The following SLC22A23 variants were observed in gnomAD, a reference collection of about 807,000 sequenced individuals.
The protein encoded by SLC22A23 is ion transporter protein.
A neutral mutation model predicts 61.0 loss-of-function variants in SLC22A23; 26 were observed. The observed-to-expected ratio is 0.43, with a 90% CI of 0.31 to 0.59. The LOEUF (loss-of-function observed/expected upper bound fraction) is 0.59, where lower values mean the gene tolerates loss of function less well. Ranked by LOEUF, SLC22A23 falls within the 20% of genes least tolerant of loss-of-function variation. The pLI is 0.11. For synonymous variants in SLC22A23, 430 were observed against 413.9 expected, an observed-to-expected ratio of 1.04 and a Z score of -0.47; for missense variants, 796 against 934.7, an observed-to-expected ratio of 0.85 and a Z score of 1.94.
intron 1 of SLC22A23, among the ~76,000 whole-genome samples, chr6:3,440,564 G>A (rs997851030): frequency 1.3e-5 from 2 of 151,980 alleles, no homozygotes; most frequent in Non-Finnish European, 2.9e-5. Context: ...AAAATTAGCT[G>A]GGCACGGTGG....
chr6:3,392,974 A>G (rs1767764290), intron 3 of SLC22A23, among the ~76,000 whole-genome samples: 1 of 148,736 alleles, frequency 6.7e-6, no homozygotes. Flanking sequence ...GTGTAGATGG[A>G]GAAATGTCAG....
At chr6:3,415,493 T>C (rs1434633966) in intron 2 of SLC22A23, among the ~76,000 whole-genome samples, 1 of 152,182 alleles carries the variant, frequency 6.6e-6, no homozygotes, top group Non-Finnish European at 1.5e-5. Flanking sequence ...AGGTTAGAAG[T>C]AGATGGGGCT....
intron 5 of SLC22A23, among the ~76,000 whole-genome samples, chr6:3,295,336 C>A (rs189010113): frequency 1.2e-4 from 19 of 152,190 alleles, no homozygotes; most frequent in African/African-American, 4.6e-4. Flanking sequence ...GAGTGTGCAC[C>A]GGGAGGGACC....
intron 2 of SLC22A23, among the ~76,000 whole-genome samples, chr6:3,411,846 C>T (rs770822958): frequency 6.6e-6 from 1 of 152,182 alleles, no homozygotes; most frequent in African/African-American, 2.4e-5. Context: ...TTTCCCTTGT[C>T]CAGTGCTGGG....
chr6:3,308,583 T>C lies in SLC22A23; in HGVS notation c.1083-10365A>G, dbSNP rs546943348. Among the ~76,000 whole-genome samples, 119 of 152,296 alleles carry C rather than the reference T, an allele frequency of 7.8e-4. 1 individual carries two copies. Among genetic ancestry groups the C allele is most frequent in the African/African-American group, 2.2e-3 (92 of 41,550 alleles). ...GGGGAGGGCACTAACTCAGGGTTGA[T>C]CAAACCTCACAAAAACGTGAACCAT... On this transcript the variant is annotated intron_variant, in intron 4 of 9. Transcript: ENST00000406686. The surrounding 1 kb of genome is among the most constrained non-coding windows in gnomAD (Gnocchi z 5.1).
chr6:3,441,852 C>G (rs991225867), intron 1 of SLC22A23, among the ~76,000 whole-genome samples: 13 of 152,186 alleles, frequency 8.5e-5, no homozygotes, highest in African/African-American at 2.4e-4. Flanking sequence ...GACACCAGCC[C>G]AGGGCAGATG....
chr6:3,310,083 G>A (rs1762262778), intron 4 of SLC22A23, among the ~76,000 whole-genome samples: 1 of 152,250 alleles, frequency 6.6e-6, no homozygotes, highest in Admixed American at 6.5e-5. Flanking sequence ...ATGTATTTAT[G>A]TGGAACTTTT....
chr6:3,410,334 C>A lies in SLC22A23; in HGVS notation c.767G>T (p.Arg256Leu). The change falls in exon 3 of 10, where the codon CGG becomes CTG. Residue 256 changes from arginine to leucine, a missense_variant. Transcript: ENST00000406686. The surrounding 1 kb of genome is among the most constrained non-coding windows in gnomAD (Gnocchi z 5.0). ...ITGCIADWVG[R>L]RPVLLFSIIF... ...GATGGAAAACAGCAGCACAGGCCGC[C>A]GGCCGACCCTGCATATGGAGAGGGA... is the stretch of plus-strand genomic sequence containing the variant. 1 of 1,606,568 alleles carries A rather than the reference C, an allele frequency of 6.2e-7. No homozygotes were observed. The highest frequency in any genetic ancestry group is 8.5e-7 in the Non-Finnish European group (1 of 1,176,824).
At chr6:3,352,047 C>T (rs948451740) in intron 3 of SLC22A23, among the ~76,000 whole-genome samples, 1 of 152,202 alleles carries the variant, frequency 6.6e-6, no homozygotes, top group Non-Finnish European at 1.5e-5. Flanking sequence ...GGCGAAAGCA[C>T]TCCATGGCCT....
intron 3 of SLC22A23, among the ~76,000 whole-genome samples, chr6:3,376,994 G>A (rs887936904): frequency 5.9e-5 from 9 of 152,024 alleles, no homozygotes; most frequent in African/African-American, 2.2e-4. Context: ...GCTGGGTGGA[G>A]AGCTCCAATT....
chr6:3,287,182 G>A, intron 6 of SLC22A23, 91 bp from the exon 7 acceptor site: 2 of 1,212,874 alleles, frequency 1.6e-6, no homozygotes, highest in Non-Finnish European at 1.2e-6. Flanking sequence ...AGGTGACCAG[G>A]AGATGAAGAA....
chr6:3,354,782 C>T (rs1279505266), intron 3 of SLC22A23, among the ~76,000 whole-genome samples: 1 of 152,184 alleles, frequency 6.6e-6, no homozygotes, highest in African/African-American at 2.4e-5. Context: ...AGGTACTATG[C>T]TGGGCCAAGT....
Position 3,400,041 on chromosome 6 carries a change from G to A in SLC22A23, c.913+10147C>T, listed in dbSNP as rs148051131. On this transcript the variant is annotated intron_variant, in intron 3 of 9. Coordinates refer to ENST00000406686, the MANE Select transcript of SLC22A23 (RefSeq NM_015482.2). ...TTACAGGCATGCACCACCATGCCTG[G>A]CTAATTTTTTGCATTTAATAGAGAT... is the stretch of plus-strand genomic sequence containing the variant. 2.6e-3 allele frequency among the ~76,000 whole-genome samples: 402 copies of A among 152,238 alleles called. 5 individuals are homozygous for A. Among genetic ancestry groups the A allele is most frequent in the East Asian group, 0.016 (83 of 5,166 alleles).
intron 1 of SLC22A23, among the ~76,000 whole-genome samples, chr6:3,422,865 C>T (rs757825468): frequency 9.2e-5 from 14 of 152,116 alleles, no homozygotes; most frequent in Non-Finnish European, 1.8e-4. Flanking sequence ...CAAACCCTTC[C>T]TGCTGGATGG....
At position 3,348,537 on chromosome 6, in the gene SLC22A23, G is replaced by A. The variant is rs189229062; in HGVS notation, c.914-24535C>T. ...TAAGTGAGTGCACACTATAGAATCC[G>A]GCCCTGTTGATGGAAAAATGCAGCC... is the stretch of plus-strand genomic sequence containing the variant. On this transcript the variant is annotated intron_variant, in intron 3 of 9. Coordinates refer to ENST00000406686, the MANE Select transcript of SLC22A23 (RefSeq NM_015482.2). Among the ~76,000 whole-genome samples the A allele has an allele frequency of 7.7e-4, 117 of 152,178 alleles. 2 individuals carry two copies. Among genetic ancestry groups the A allele is most frequent in the Non-Finnish European group, 1.3e-4 (9 of 68,008 alleles).
chr6:3,322,423 T>G lies in SLC22A23; in HGVS notation c.1082+1411A>C, dbSNP rs1158935668. Among the ~76,000 whole-genome samples, 3 of 152,202 alleles carry G rather than the reference T, an allele frequency of 2.0e-5. No homozygotes were observed. Among genetic ancestry groups the G allele is most frequent in the African/African-American group, 4.8e-5 (2 of 41,434 alleles). ...TCTCCAGGGAAACTATTGCTCATTC[T>G]CCGCTCCTTAAGGCCCTGTTGGGGC... On this transcript the variant is annotated intron_variant, in intron 4 of 9. Coordinates refer to ENST00000406686, the MANE Select transcript of SLC22A23 (RefSeq NM_015482.2). The surrounding 1 kb of genome is among the most constrained non-coding windows in gnomAD (Gnocchi z 4.1).
rs1221070264 is a variant in SLC22A23, at chr6:3,322,864, G to C, written c.1082+970C>G. ...GGTTTTCATTGTTGACTAAATAGTA[G>C]CAATACAGGGCCACATCCATGATCT... On this transcript the variant is annotated intron_variant, in intron 4 of 9. Transcript: ENST00000406686. The surrounding 1 kb of genome is among the most constrained non-coding windows in gnomAD (Gnocchi z 4.1). Among the ~76,000 whole-genome samples, 2 of 152,148 alleles carry C rather than the reference G, an allele frequency of 1.3e-5. No individual in the cohort carries two copies. Among genetic ancestry groups the C allele is most frequent in the Non-Finnish European group, 2.9e-5 (2 of 68,032 alleles).
chr6:3,323,547 G>T, intron 4 of SLC22A23: 1 of 508,884 alleles, frequency 2.0e-6, no homozygotes, highest in African/African-American at 1.9e-5. Context: ...AACCCCGTGG[G>T]GTGGGTAGCA....
At position 3,454,199 on chromosome 6, in the gene SLC22A23, G is replaced by A. The variant is rs1174851972; in HGVS notation, c.654+1707C>T. On this transcript the variant is annotated intron_variant, in intron 1 of 9. Transcript: ENST00000406686. The surrounding 1 kb of genome is among the most constrained non-coding windows in gnomAD (Gnocchi z 4.3). The stretch of plus-strand genomic sequence containing the variant: ...ATCACCCAAAACATGCCACACACAT[G>A]AGGGCTGTCTGTGACCCTCTCGAAT... Among the ~76,000 whole-genome samples the A allele has an allele frequency of 6.6e-6, 1 of 151,966 alleles. No individual in the cohort carries two copies. Among genetic ancestry groups the A allele is most frequent in the Non-Finnish European group, 1.5e-5 (1 of 68,012 alleles).
Sources: gnomAD v4.1 joint callset for allele counts (sites outside exome capture counted in the v4.1 genomes callset) on GRCh38, gnomAD v4.1.1 for gene constraint, Gnocchi (gnomAD v3.1) non-coding constraint, MANE v1.5 for transcripts, NCBI Gene and HGNC (gene_info 2026-07-23, HGNC 2026-07-21) for gene names.